Variants in TTLL4 observed in about 807,000 individuals in gnomAD.
The protein encoded by TTLL4 is tubulin monoglutamylase TTLL4.
TTLL4 carries 85 observed loss-of-function variants against 122.7 expected under a neutral mutation model. The ratio of observed to expected loss-of-function variants is 0.69; its 90% CI spans 0.58 to 0.83. The LOEUF is 0.83. Among genes scored for constraint, TTLL4 ranks in the 40% least tolerant of loss-of-function variants. The pLI, the probability that TTLL4 is intolerant of heterozygous loss-of-function variation, is 0.00. For missense variants in TTLL4, 1,363 were observed against 1,488.6 expected (o/e 0.92, Z 1.39); for synonymous variants, 553 against 563.0 (o/e 0.98, Z 0.25).
rs1429149854 is a variant in TTLL4 at position 218,747,756 on chromosome 2, A to C, written c.2378+31A>C. 1.2e-6 allele frequency: 2 copies of C among 1,610,888 alleles called. No individual in the cohort carries two copies. Among genetic ancestry groups the C allele is most frequent in the Non-Finnish European group, 1.7e-6 (2 of 1,177,960 alleles). The stretch of plus-strand genomic sequence containing the variant: ...TGACAGTGGTGAGGTATCCTCTGAC[A>C]ATATTGGGGATTTTATTTTCCTTGG... On this transcript the variant is annotated intron_variant, in intron 11 of 19. Transcript: ENST00000392102. This position sits in a 1 kb window ranked among gnomAD's most constrained non-coding sequence, Gnocchi z 4.7.
Position 218,745,744 on chromosome 2 carries a change from G to C in TTLL4, c.1840G>C (p.Val614Leu). The C allele has an allele frequency of 1.2e-6, 2 of 1,613,544 alleles. No individual in the cohort carries two copies. Among genetic ancestry groups the C allele is most frequent in the Non-Finnish European group, 1.7e-6 (2 of 1,179,870 alleles). The part of the protein sequence containing the change: ...RKLLRWKMST[V>L]TPNIVKQTIG... ...GTTGCTCCGATGGAAGATGAGCACA[G>C]TGACCCCCAACATTGTCAAGCAGAC... Residue 614 changes from valine (V) to leucine (L), a missense_variant, in exon 7 of 20, where the codon GTG (valine) becomes CTG (leucine). This residue lies in a region of TTLL4 where 760 missense variants were observed against 808.4 expected (regional missense o/e 0.94). Transcript: ENST00000392102.
At chr2:218,751,392 T>C (rs1288964059) in intron 15 of TTLL4, among the ~76,000 whole-genome samples, 5 of 152,204 alleles carry the variant, frequency 3.3e-5, no homozygotes, top group Non-Finnish European at 7.3e-5. Context: ...GTTGAGTATA[T>C]AGTTAAGTGT....
chr2:218,747,941 G>A lies in TTLL4; in HGVS notation c.2379-164G>A. ...GGATAAAGGAGATGAGTTTAGCTGTGGTTTTTCAGAACTTTGCCAGTAGAC... is the reference window on the plus strand; with the variant it reads ...GGATAAAGGAGATGAGTTTAGCTGTAGTTTTTCAGAACTTTGCCAGTAGAC... On this transcript the variant is annotated intron_variant, in intron 11 of 19. Transcript: ENST00000392102. The surrounding 1 kb of genome is among the most constrained non-coding windows in gnomAD (Gnocchi z 4.7). 1 of 1,166,690 alleles carries A rather than the reference G, an allele frequency of 8.6e-7. No individual in the cohort carries two copies. Among genetic ancestry groups the A allele is most frequent in the Non-Finnish European group, 1.2e-6 (1 of 825,862 alleles). The allele number at this position is 1,166,690 out of a possible 1,614,324, so 72.3% of individuals were successfully genotyped here.
rs753667698 is a variant in TTLL4, at chr2:218,738,274, G to A, written c.598G>A (p.Ala200Thr). The A allele has an allele frequency of 6.2e-7, 1 of 1,614,040 alleles. No homozygotes were observed. The highest frequency in any genetic ancestry group is 8.5e-7 in the Non-Finnish European group (1 of 1,180,026). ...ENPSGKSLAS[A>T]ISGKIPSPLS... ...CCCTTCAGGGAAGAGCCTGGCCTCTGCCATCTCAGGGAAGATCCCATCTCC... is the reference window on the plus strand; with the variant it reads ...CCCTTCAGGGAAGAGCCTGGCCTCTACCATCTCAGGGAAGATCCCATCTCC... Residue 200 changes from alanine to threonine, a missense_variant, in exon 3 of 20, where the codon GCC becomes ACC. Transcript: ENST00000392102.
chr2:218,715,154 T>C lies in TTLL4; in HGVS notation c.-178+4117T>C, dbSNP rs562963864. Among the ~76,000 whole-genome samples, 3 of 152,354 alleles carry C rather than the reference T, an allele frequency of 2.0e-5. No individual in the cohort carries two copies. The East Asian group carries it at 5.8e-4, about 29-fold the overall frequency. ...GGCATTGTTTTTTAGATCTCTTTAG[T>C]GTCTGACTTAATAGAAGACAGCTGG... On this transcript the variant is annotated intron_variant, in intron 1 of 19. Coordinates refer to ENST00000392102, the MANE Select transcript of TTLL4 (RefSeq NM_014640.5).
intron 1 of TTLL4, among the ~76,000 whole-genome samples, chr2:218,713,701 A>G (rs921419384): frequency 2.6e-5 from 4 of 152,230 alleles, no homozygotes; most frequent in African/African-American, 9.6e-5. Flanking sequence ...CAGGAAAATC[A>G]TGTCAGATTT....
At position 218,746,984 on chromosome 2, in the gene TTLL4, A is replaced by G; in HGVS notation, c.1975-19A>G. ...TCACCTCTGCCCTCTTCCTGCACTCACCCTTTTCCCTTTTGTAGCTAAACC... is the reference window on the plus strand; with the variant it reads ...TCACCTCTGCCCTCTTCCTGCACTCGCCCTTTTCCCTTTTGTAGCTAAACC... On this transcript the variant is annotated intron_variant, in intron 8 of 19. Coordinates refer to ENST00000392102, the MANE Select transcript of TTLL4 (RefSeq NM_014640.5). 6.2e-7 allele frequency: 1 copy of G among 1,611,686 alleles called. No individual in the cohort carries two copies. Among genetic ancestry groups the G allele is most frequent in the Non-Finnish European group, 8.5e-7 (1 of 1,178,424 alleles).
At chr2:218,756,534 A>C (rs145247875), downstream of TTLL4, among the ~76,000 whole-genome samples, 1 of 152,208 alleles carries the variant, frequency 6.6e-6, no homozygotes, top group Admixed American at 6.5e-5. Context: ...GGACTTACAT[A>C]CCACATTTAC....
At chr2:218,741,726 C>T (rs1326430154) in intron 5 of TTLL4, among the ~76,000 whole-genome samples, 2 of 152,128 alleles carry the variant, frequency 1.3e-5, no homozygotes, top group Non-Finnish European at 1.5e-5. Context: ...TAAGTACCTC[C>T]ACTCTTCATA....
intron 12 of TTLL4, chr2:218,748,507 T>C (rs1435469406): frequency 4.4e-6 from 2 of 451,286 alleles, no homozygotes; most frequent in African/African-American, 3.9e-5. Context: ...ATACAAAAAT[T>C]AGCTGGGTGT....
intron 1 of TTLL4, among the ~76,000 whole-genome samples, chr2:218,723,978 AAG>A (rs1395278503): frequency 2.0e-5 from 3 of 152,214 alleles, no homozygotes; most frequent in African/African-American, 7.2e-5. Flanking sequence ...TTTTGAATAT[AAG>A]AGAATATCCT....
chr2:218,738,662 A>T lies in TTLL4; in HGVS notation c.986A>T (p.Asp329Val). The part of the protein sequence containing the change: ...CALDDSSDSQ[D>V]PTKEIRFTEA... The stretch of plus-strand genomic sequence containing the variant: ...CTGGATGACAGCTCTGATTCCCAGG[A>T]TCCAACTAAGGAGATTCGGTTCACT... The change falls in exon 3 of 20, where the codon GAT (aspartate) becomes GTT (valine). Residue 329 changes from aspartate to valine, a missense_variant. Physicochemically the swap from Asp to Val is radical, Grantham distance 152. This residue lies in a region of TTLL4 where 760 missense variants were observed against 808.4 expected (regional missense o/e 0.94). Coordinates refer to ENST00000392102, the MANE Select transcript of TTLL4 (RefSeq NM_014640.5). 6.2e-7 allele frequency: 1 copy of T among 1,614,172 alleles called. No homozygotes were observed. The highest frequency in any genetic ancestry group is 1.1e-5 in the South Asian group (1 of 91,090).
chr2:218,737,861 C>T lies in TTLL4; in HGVS notation c.185C>T (p.Thr62Ile). Residue 62 changes from threonine to isoleucine, a missense_variant, in exon 3 of 20, where the codon ACA becomes ATA. Coordinates refer to ENST00000392102, the MANE Select transcript of TTLL4 (RefSeq NM_014640.5). ...AAGCTGGAAAAGAAGCAAGTGGAGACACTGTCAGCAGGGTTGGGCCCAGGC... is the reference window on the plus strand; with the variant it reads ...AAGCTGGAAAAGAAGCAAGTGGAGATACTGTCAGCAGGGTTGGGCCCAGGC... ...IWKLEKKQVE[T>I]LSAGLGPGLL... is the part of the protein sequence containing the mutation. 6.2e-7 allele frequency: 1 copy of T among 1,614,240 alleles called. No individual in the cohort carries two copies. The highest frequency in any genetic ancestry group is 2.2e-5 in the East Asian group (1 of 44,878).
At position 218,747,333 on chromosome 2, in the gene TTLL4, G is replaced by A; in HGVS notation, c.2210G>A (p.Trp737Ter). 1 of 1,614,160 alleles carries A rather than the reference G, an allele frequency of 6.2e-7. No homozygotes were observed. Among genetic ancestry groups the A allele is most frequent in the Non-Finnish European group, 8.5e-7 (1 of 1,180,034 alleles). ...ATTGGCATCCAGGTTATTCACAAGT[G>A]GAGTCAGCTCCCCAAGCGAAGGCCC... is the stretch of plus-strand genomic sequence containing the variant. ...RGIGIQVIHKWSQLPKRRPLL... is the reference protein window; with the variant it reads ...RGIGIQVIHK Residue 737 changes from tryptophan to a stop codon, truncating the protein, a stop_gained, in exon 10 of 20, where the codon TGG (tryptophan) becomes TAG (stop). Transcript: ENST00000392102. LOFTEE classifies it high-confidence loss of function. This position sits in a 1 kb window ranked among gnomAD's most constrained non-coding sequence, Gnocchi z 4.7.
In TTLL4 at chr2:218,739,202, A is replaced by G. The variant is rs781630366; in HGVS notation, c.1487+39A>G. The G allele has an allele frequency of 5.1e-6, 8 of 1,576,740 alleles. No individual in the cohort carries two copies. In the Admixed American group the frequency reaches 1.2e-4, roughly 25 times the overall value. ...GTTTTTGGTTCATTTAGAGCAGTAG[A>G]ATGTATATACCATAATTTGGGGTGG... On this transcript the variant is annotated intron_variant, in intron 3 of 19. Transcript: ENST00000392102.
intron 1 of TTLL4, among the ~76,000 whole-genome samples, chr2:218,711,702 A>G (rs757141034): frequency 2.0e-4 from 31 of 151,954 alleles, no homozygotes; most frequent in Non-Finnish European, 4.0e-4. Context: ...GTAAACGAGC[A>G]TTTGCCATAC....
chr2:218,716,916 A>G (rs893750935), intron 1 of TTLL4, among the ~76,000 whole-genome samples: 3 of 152,252 alleles, frequency 2.0e-5, no homozygotes, highest in Non-Finnish European at 4.4e-5. Context: ...CTAAGTCACC[A>G]GCAGTTTTAC....
chr2:218,737,787 G>A lies in TTLL4; in HGVS notation c.111G>A (p.Ser37=), dbSNP rs79987978. 892 of 1,614,066 alleles carry A rather than the reference G, an allele frequency of 5.5e-4. 6 individuals carry two copies. In the African/African-American group the frequency reaches 9.9e-3, roughly 18 times the overall value. The part of the protein sequence containing the change: ...TVPATPPEKP[S]EGRVWPQAHQ... Reference sequence around the variant, plus strand: ...CTGCCACGCCACCTGAGAAACCCTCGGAGGGCAGAGTCTGGCCTCAGGCCC... The same window carrying A: ...CTGCCACGCCACCTGAGAAACCCTCAGAGGGCAGAGTCTGGCCTCAGGCCC... The change falls in exon 3 of 20, where the codon TCG becomes TCA. Residue 37 remains serine (S), a synonymous_variant. Transcript: ENST00000392102.
intron 1 of TTLL4, among the ~76,000 whole-genome samples, chr2:218,712,122 A>G (rs1366089078): frequency 6.6e-6 from 1 of 152,206 alleles, no homozygotes; most frequent in Non-Finnish European, 1.5e-5. Flanking sequence ...GCTTTAGGAA[A>G]GGGACAGCAA....
Sources: allele counts gnomAD v4.1 joint callset (sites outside exome capture counted in the v4.1 genomes callset), GRCh38; gene constraint gnomAD v4.1.1; regional missense constraint gnomAD v4.1.1; non-coding constraint Gnocchi (gnomAD v3.1); transcripts MANE v1.5; gene names NCBI Gene and HGNC (gene_info 2026-07-23, HGNC 2026-07-21).